The following PAPPA variants were observed in gnomAD, a reference collection of about 807,000 sequenced individuals.
The protein encoded by PAPPA is pappalysin 1.
In PAPPA, 60 loss-of-function variants were observed where a neutral mutation model predicts 164.0. That is an observed-to-expected ratio of 0.37 (90% confidence interval 0.30 to 0.45). PAPPA has a LOEUF of 0.45. Among genes scored for constraint, PAPPA ranks in the 20% least tolerant of loss-of-function variants. The probability of loss-of-function intolerance (pLI) is 1.00; values close to 1 mark genes in which losing one functional copy is unlikely to be tolerated. For synonymous variants in PAPPA, 875 were observed against 814.1 expected, an observed-to-expected ratio of 1.07 and a Z score of -1.27; for missense variants, 1,782 against 2,087.3, an observed-to-expected ratio of 0.85 and a Z score of 2.85.
chr9:116,163,843 AG>A (rs1843694610), intron 1 of PAPPA, among the ~76,000 whole-genome samples: 1 of 152,122 alleles, frequency 6.6e-6, no homozygotes. Flanking sequence ...ATACTCTTTT[AG>A]GACTTCCCAG....
chr9:116,231,382 T>C (rs1844589597), intron 6 of PAPPA, among the ~76,000 whole-genome samples: 1 of 152,134 alleles, frequency 6.6e-6, no homozygotes, highest in Non-Finnish European at 1.5e-5. Flanking sequence ...TTTCTTTTCT[T>C]CAGCTCCTGT....
intron 9 of PAPPA, chr9:116,286,181 C>T (rs964843865): frequency 1.3e-5 from 2 of 152,182 alleles, no homozygotes; most frequent in East Asian, 1.9e-4. Context: ...CTTTCCTTCT[C>T]TATCTCTATA....
At chr9:116,262,201 TAA>T (rs11334752) in intron 7 of PAPPA, among the ~76,000 whole-genome samples, 30,286 of 145,318 alleles carry the variant, frequency 0.21, 3,243 homozygotes, top group Middle Eastern at 0.32. Context: ...AAGACTGTCT[TAA>T]AAAAAAAAAA....
intron 10 of PAPPA, among the ~76,000 whole-genome samples, chr9:116,314,946 G>A (rs541435914): frequency 8.9e-4 from 135 of 152,270 alleles, no homozygotes; most frequent in Middle Eastern, 6.8e-3. Context: ...CCAAATGACC[G>A]GTTAGCAGCT....
At chr9:116,295,358 A>G (rs560071765) in intron 9 of PAPPA, among the ~76,000 whole-genome samples, 28 of 152,234 alleles carry the variant, frequency 1.8e-4, no homozygotes, top group Admixed American at 1.8e-3. Flanking sequence ...GTTCGAGACC[A>G]GCCTGACCAA....
intron 13 of PAPPA, among the ~76,000 whole-genome samples, chr9:116,340,279 C>T (rs766598001): frequency 1.3e-5 from 2 of 152,122 alleles, no homozygotes; most frequent in Non-Finnish European, 2.9e-5. Context: ...GGCTGTATCA[C>T]AGAGTTATTT....
intron 5 of PAPPA, among the ~76,000 whole-genome samples, chr9:116,221,413 C>T (rs1844444621): frequency 6.6e-6 from 1 of 152,140 alleles, no homozygotes; most frequent in South Asian, 2.1e-4. Context: ...GTTAATATTA[C>T]TTTATTGTAG....
intron 2 of PAPPA, among the ~76,000 whole-genome samples, chr9:116,195,353 GAA>G (rs1844090988): frequency 2.0e-5 from 1 of 50,878 alleles, no homozygotes; most frequent in African/African-American, 4.1e-5. Context: ...TGAATTAAAA[GAA>G]GAACTGTTCA....
intron 9 of PAPPA, among the ~76,000 whole-genome samples, chr9:116,289,234 CATATATATATAGCATATATGTAGCAT>C (rs1845394400): frequency 2.6e-5 from 1 of 38,990 alleles, no homozygotes; most frequent in African/African-American, 8.8e-5. Flanking sequence ...ATATATATAG[CATATATATATAGCATATATGTAGCAT>C]ATATATATAG....
At chr9:116,157,947 G>C (rs1843622507) in intron 1 of PAPPA, among the ~76,000 whole-genome samples, 1 of 151,402 alleles carries the variant, frequency 6.6e-6, no homozygotes, top group African/African-American at 2.4e-5. Flanking sequence ...GACTCAATTT[G>C]CTCCATCGAG....
intron 20 of PAPPA, among the ~76,000 whole-genome samples, chr9:116,380,431 C>T (rs571038232): frequency 1.5e-4 from 23 of 152,132 alleles, no homozygotes; most frequent in Non-Finnish European, 2.9e-4. Flanking sequence ...GTATCACCTT[C>T]ATTTAATTTT....
intron 15 of PAPPA, among the ~76,000 whole-genome samples, chr9:116,349,098 C>T (rs547888703): frequency 6.9e-4 from 105 of 152,188 alleles, no homozygotes; most frequent in African/African-American, 2.5e-3. Flanking sequence ...TCTGTACTTC[C>T]GTTAAAGTCT....
In PAPPA at chr9:116,220,093, A is replaced by C. The variant is rs752469843; in HGVS notation, c.2075A>C (p.Glu692Ala). Reference protein sequence around the residue: ...LGHTTDSVTLEWFPPIDGHFF... With the variant: ...LGHTTDSVTLAWFPPIDGHFF... ...CACACAACGGACTCTGTGACACTGG[A>C]GTGGTTCCCACCTATAGATGGCCAT... The change falls in exon 5 of 22, where the codon GAG (glutamate) becomes GCG (alanine). Residue 692 changes from glutamate to alanine, a missense_variant. Glu to Ala is a moderately radical substitution (Grantham distance 107, BLOSUM62 -1). This residue lies in a region of PAPPA where 1,324 missense variants were observed against 1,656.9 expected (regional missense o/e 0.80). Transcript: ENST00000328252. The C allele has an allele frequency of 1.2e-6, 2 of 1,613,976 alleles. No individual in the cohort carries two copies. The highest frequency in any genetic ancestry group is 3.3e-5 in the Admixed American group (2 of 60,020).
At position 116,347,314 on chromosome 9, in the gene PAPPA, G is replaced by GT. The variant is rs1846224514; in HGVS notation, c.3964+109dup. The GT allele has an allele frequency of 1.1e-6, 1 of 939,956 alleles. No individual in the cohort carries two copies. Among genetic ancestry groups the GT allele is most frequent in the South Asian group, 1.8e-5 (1 of 56,640 alleles). The allele number at this position is 939,956 out of a possible 1,614,324, so 58.2% of individuals were successfully genotyped here. A position where few individuals can be genotyped will look rare whatever the true frequency, so the allele number is the denominator to read the frequency against. On this transcript the variant is annotated intron_variant, in intron 15 of 21. Transcript: ENST00000328252. The surrounding 1 kb of genome is among the most constrained non-coding windows in gnomAD (Gnocchi z 4.5). ...GTCTCAAACACCAAGGGTGGGATGG[G>GT]TTTTATCTATGCTCCTGACTTCTTC... is the stretch of plus-strand genomic sequence containing the variant.
chr9:116,309,095 T>G (rs1014623929), intron 10 of PAPPA, among the ~76,000 whole-genome samples: 6 of 151,738 alleles, frequency 4.0e-5, no homozygotes, highest in Admixed American at 6.6e-5. Context: ...TTTTTTTTTT[T>G]GGCAAAGTCT....
chr9:116,165,112 A>G (rs2118980577), intron 1 of PAPPA, among the ~76,000 whole-genome samples: 1 of 152,348 alleles, frequency 6.6e-6, no homozygotes, highest in South Asian at 2.1e-4. Flanking sequence ...TTTGTGTCAC[A>G]AAGCAAACAA....
At chr9:116,242,701 C>T (rs1406466901) in intron 7 of PAPPA, among the ~76,000 whole-genome samples, 1 of 152,162 alleles carries the variant, frequency 6.6e-6, no homozygotes, top group African/African-American at 2.4e-5. Flanking sequence ...TGAGAAATTG[C>T]CGGTGATAAG....
At position 116,229,481 on chromosome 9, in the gene PAPPA, G is replaced by A. The variant is rs182887088; in HGVS notation, c.2233+1929G>A. 1.1e-4 allele frequency among the ~76,000 whole-genome samples: 17 copies of A among 152,284 alleles called. No homozygotes were observed. In the East Asian group the frequency reaches 3.3e-3, roughly 29 times the overall value. Reference sequence around the variant, plus strand: ...AAATTTCTTAGCTTTAGTTTATAAAGCGGAAACTACTAATAGATATAACCT... The same window carrying A: ...AAATTTCTTAGCTTTAGTTTATAAAACGGAAACTACTAATAGATATAACCT... On this transcript the variant is annotated intron_variant, in intron 6 of 21. Transcript: ENST00000328252.
rs544464846 is a variant in PAPPA at position 116,246,510 on chromosome 9, A to G, written c.2732+10873A>G. 1.2e-4 allele frequency among the ~76,000 whole-genome samples: 18 copies of G among 152,324 alleles called. No individual in the cohort carries two copies. In the East Asian group the frequency reaches 3.5e-3, roughly 29 times the overall value. Reference sequence around the variant, plus strand: ...CAGCTGAGAAAACTAATGTTTAAGGACATTAAGAAACTTCCCTCTGGAAGA... The same window carrying G: ...CAGCTGAGAAAACTAATGTTTAAGGGCATTAAGAAACTTCCCTCTGGAAGA... On this transcript the variant is annotated intron_variant, in intron 7 of 21. Transcript: ENST00000328252.
Sources: gnomAD v4.1 joint callset for allele counts (sites outside exome capture counted in the v4.1 genomes callset) on GRCh38, gnomAD v4.1.1 for gene constraint, gnomAD v4.1.1 regional missense constraint, Gnocchi (gnomAD v3.1) non-coding constraint, MANE v1.5 for transcripts, NCBI Gene and HGNC (gene_info 2026-07-23, HGNC 2026-07-21) for gene names.